The following GARRE1 variants were observed in gnomAD, a reference collection of about 807,000 sequenced individuals.
The protein encoded by GARRE1 is granule associated Rac and RHOG effector 1.
GARRE1 carries 49 observed loss-of-function variants against 103.2 expected under a neutral mutation model. That is an observed-to-expected ratio of 0.47 (90% confidence interval 0.38 to 0.60). GARRE1 has a LOEUF of 0.60. GARRE1 is among the 20% of genes least tolerant of loss of function. GARRE1 has a pLI of 0.00. For synonymous variants in GARRE1, 505 were observed against 532.8 expected (o/e 0.95, Z 0.72); for missense variants, 1,199 against 1,370.5 (o/e 0.87, Z 1.98).
Position 34,331,463 on chromosome 19 carries a change from AC to A in GARRE1, c.1263+1121del, listed in dbSNP as rs1251285639. Among the ~76,000 whole-genome samples the A allele has an allele frequency of 2.6e-5, 4 of 151,944 alleles. No individual in the cohort carries two copies. In the East Asian group the frequency reaches 7.7e-4, roughly 29 times the overall value. On this transcript the variant is annotated intron_variant, in intron 7 of 13. Transcript: ENST00000299505. ...CCTTGACCACAGTGGTATAAGTAGT[AC>A]CCCCATCCAGTCACTGTATACCGCT...
At chr19:34,322,850 A>G (rs2074095530) in intron 3 of GARRE1, among the ~76,000 whole-genome samples, 1 of 152,002 alleles carries the variant, frequency 6.6e-6, no homozygotes, top group Non-Finnish European at 1.5e-5. Context: ...GGCCTCCCAA[A>G]GTGCTGGGAT....
At chr19:34,327,347 G>A in intron 3 of GARRE1, 74 bp from the exon 4 acceptor site, 1 of 1,360,972 alleles carries the variant, frequency 7.3e-7, no homozygotes, top group Non-Finnish European at 1.0e-6. Context: ...TTTTCTTGTT[G>A]TTGTTATTGT....
intron 1 of GARRE1, chr19:34,285,178 C>G (rs1247858158): frequency 6.6e-6 from 1 of 152,112 alleles, no homozygotes. Flanking sequence ...AACATTGGAG[C>G]AAGTGATATG....
Position 34,296,519 on chromosome 19 carries a change from G to A in GARRE1, c.-795-3160G>A, listed in dbSNP as rs1160721910. On this transcript the variant is annotated intron_variant, in intron 1 of 13. Coordinates refer to ENST00000299505, the MANE Select transcript of GARRE1 (RefSeq NM_014686.5). ...TGGGCTTAACCTCCTTGGGCTTTACGAGGGCCTTGATAGCCTCGGCACGTG... is the reference window on the plus strand; with the variant it reads ...TGGGCTTAACCTCCTTGGGCTTTACAAGGGCCTTGATAGCCTCGGCACGTG... The A allele has an allele frequency of 6.6e-5, 106 of 1,594,902 alleles. 1 individual carries two copies. Among genetic ancestry groups the A allele is most frequent in the Non-Finnish European group, 7.0e-5 (82 of 1,178,496 alleles).
At chr19:34,350,106 G>GA (rs1239830778) in intron 12 of GARRE1, among the ~76,000 whole-genome samples, 1 of 152,142 alleles carries the variant, frequency 6.6e-6, no homozygotes, top group Admixed American at 6.5e-5. Context: ...TGCTCTGAAG[G>GA]AAAATAAAGC....
intron 12 of GARRE1, among the ~76,000 whole-genome samples, chr19:34,350,279 C>G (rs1001255506): frequency 1.3e-5 from 2 of 152,122 alleles, no homozygotes; most frequent in African/African-American, 4.8e-5. Context: ...GGATGACACG[C>G]AAGTTTTCTG....
chr19:34,315,276 C>T (rs1315939945), intron 2 of GARRE1, among the ~76,000 whole-genome samples: 2 of 152,138 alleles, frequency 1.3e-5, no homozygotes, highest in Admixed American at 6.5e-5. Context: ...CTTGGGCACT[C>T]CATAGTTCCA....
At chr19:34,259,565 T>C (rs1320430141) in intron 1 of GARRE1, among the ~76,000 whole-genome samples, 1 of 152,208 alleles carries the variant, frequency 6.6e-6, no homozygotes, top group East Asian at 1.9e-4. Context: ...AGTCACCAAG[T>C]AACCTCTCCC....
intron 7 of GARRE1, among the ~76,000 whole-genome samples, chr19:34,333,410 G>A (rs552923942): frequency 3.3e-5 from 5 of 152,158 alleles, no homozygotes; most frequent in South Asian, 2.1e-4. Context: ...GATAAAGGAC[G>A]CAAATTAATT....
chr19:34,339,766 G>GC (rs2074177457), intron 8 of GARRE1, 101 bp from the exon 9 acceptor site: 2 of 1,433,120 alleles, frequency 1.4e-6, no homozygotes, highest in Non-Finnish European at 1.9e-6. Flanking sequence ...TTTGCTGGGC[G>GC]CCAGAGGTAC....
chr19:34,293,840 C>T (rs2073932569), intron 1 of GARRE1, among the ~76,000 whole-genome samples: 1 of 144,520 alleles, frequency 6.9e-6, no homozygotes, highest in Non-Finnish European at 1.5e-5. Flanking sequence ...CTCACTGCAA[C>T]CTCCGCCTCT....
chr19:34,329,727 T>G (rs1435586387), intron 6 of GARRE1, among the ~76,000 whole-genome samples: 7 of 151,842 alleles, frequency 4.6e-5, no homozygotes, highest in Admixed American at 4.6e-4. Flanking sequence ...TCCTAGCTAC[T>G]CAGGAGGCTG....
At position 34,352,894 on chromosome 19, in the gene GARRE1, A is replaced by G. The variant is rs1183874053; in HGVS notation, c.3152A>G (p.Lys1051Arg). The G allele has an allele frequency of 2.6e-6, 4 of 1,567,512 alleles. No individual in the cohort carries two copies. In the East Asian group the frequency reaches 9.1e-5, roughly 36 times the overall value. The change falls in exon 14 of 14, where the codon AAG becomes AGG. Residue 1051 changes from lysine (K) to arginine (R), a missense_variant. Coordinates refer to ENST00000299505, the MANE Select transcript of GARRE1 (RefSeq NM_014686.5). ...PPPPAHKAAPKGFKAFPGKGE... is the reference protein window; with the variant it reads ...PPPPAHKAAPRGFKAFPGKGE... ...CCACCAGCACACAAGGCAGCACCCA[A>G]GGGCTTCAAGGCCTTCCCTGGGAAG...
At chr19:34,311,907 G>A (rs138039558) in intron 2 of GARRE1, among the ~76,000 whole-genome samples, 2,228 of 152,106 alleles carry the variant, frequency 0.015, 25 homozygotes, top group South Asian at 0.026. Context: ...CACCACACCC[G>A]GCAACATAGT....
intron 2 of GARRE1, among the ~76,000 whole-genome samples, chr19:34,310,634 A>T (rs189390068): frequency 6.7e-6 from 1 of 148,912 alleles, no homozygotes; most frequent in Non-Finnish European, 1.5e-5. Flanking sequence ...ATAAATACAC[A>T]TGAGCTAGCT....
chr19:34,354,386 A>G lies in GARRE1; in HGVS notation c.*1431A>G, dbSNP rs2074258695. 6.6e-6 allele frequency: 1 copy of G among 152,156 alleles called. No individual in the cohort carries two copies. The highest frequency in any genetic ancestry group is 6.6e-5 in the Admixed American group (1 of 15,264). The allele number at this position is 152,156 out of a possible 1,614,324, so 9.4% of individuals were successfully genotyped here. ...TAAATTTATATATAAAAATACCAAA[A>G]AGAGGCTGGGCGTGGTGGCTCACGC... On this transcript the variant is annotated 3_prime_UTR_variant, in exon 14 of 14. Transcript: ENST00000299505.
chr19:34,326,906 G>T (rs747623862), intron 3 of GARRE1, among the ~76,000 whole-genome samples: 6 of 152,090 alleles, frequency 3.9e-5, no homozygotes, highest in Non-Finnish European at 7.4e-5. Flanking sequence ...AGTAATCCCA[G>T]CACTTCGGGA....
chr19:34,319,477 G>A (rs916252531), intron 2 of GARRE1, among the ~76,000 whole-genome samples: 2 of 152,136 alleles, frequency 1.3e-5, no homozygotes, highest in Non-Finnish European at 2.9e-5. Context: ...AATGTCTTAT[G>A]GTCAAACTGG....
At chr19:34,267,463 C>T (rs1230153406) in intron 1 of GARRE1, among the ~76,000 whole-genome samples, 2 of 152,002 alleles carry the variant, frequency 1.3e-5, no homozygotes, top group African/African-American at 2.4e-5. Flanking sequence ...ACCTTGGCCT[C>T]CCAAAGTGCT....
Sources: allele counts gnomAD v4.1 joint callset (sites outside exome capture counted in the v4.1 genomes callset), GRCh38; gene constraint gnomAD v4.1.1; transcripts MANE v1.5; gene names NCBI Gene and HGNC (gene_info 2026-07-23, HGNC 2026-07-21).